Variants in KCNN2 observed in about 807,000 individuals in gnomAD.
The protein encoded by KCNN2 is small conductance calcium-activated potassium channel protein 2.
Under a neutral mutation model 55.5 loss-of-function variants are expected in KCNN2, and 24 were observed. That is an observed-to-expected ratio of 0.43 (90% CI 0.31 to 0.61). The LOEUF (loss-of-function observed/expected upper bound fraction) is 0.61. Ranked by LOEUF, KCNN2 falls within the 20% of genes least tolerant of loss-of-function variation. The probability of loss-of-function intolerance (pLI) is 0.08; values close to 1 mark genes in which losing one functional copy is unlikely to be tolerated. For missense variants in KCNN2, 754 were observed against 853.6 expected (o/e 0.88, Z 1.45); for synonymous variants, 431 against 336.1 (o/e 1.28, Z -3.09).
intron 1 of KCNN2, among the ~76,000 whole-genome samples, chr5:114,219,565 T>A (rs979643060): frequency 2.6e-5 from 4 of 152,124 alleles, no homozygotes; most frequent in African/African-American, 7.2e-5. Flanking sequence ...TTCTCTCCAA[T>A]GTCCAGCTGT....
Position 114,362,835 on chromosome 5 carries a change from C to G in KCNN2, c.696C>G (p.Ser232=), listed in dbSNP as rs1272628864. The G allele has an allele frequency of 1.9e-6, 3 of 1,599,582 alleles. No individual in the cohort carries two copies. The highest frequency in any genetic ancestry group is 2.5e-6 in the Non-Finnish European group (3 of 1,178,434). Residue 232 remains serine (S), a synonymous_variant, in exon 1 of 8, where the codon TCC becomes TCG. Transcript: ENST00000673685. The part of the protein sequence containing the change: ...VMRPLSNLSA[S]RRNLHEMDSE... ...GGCCGCTCAGCAACTTGAGCGCGTC[C>G]CGCCGGAACCTGCACGAGATGGACT...
In KCNN2 at chr5:114,362,400, C is replaced by T. The variant is rs942300757; in HGVS notation, c.261C>T (p.Ser87=). 2 of 264,282 alleles carry T rather than the reference C, an allele frequency of 7.6e-6. No individual in the cohort carries two copies. Among genetic ancestry groups the T allele is most frequent in the South Asian group, 8.4e-5 (1 of 11,850 alleles). The allele number at this position is 264,282 out of a possible 1,614,324, so 16.4% of individuals were successfully genotyped here. A position where few individuals can be genotyped will look rare whatever the true frequency, so the allele number is the denominator to read the frequency against. ...APAAGAGDNL[S]LLLRTSSPGG... ...CGGCGGGGGCGGGAGATAACCTGTC[C>T]CTGCTGCTCCGCACCTCCTCGCCCG... The change falls in exon 1 of 8, where the codon TCC becomes TCT. Residue 87 remains serine (S), a synonymous_variant. Transcript: ENST00000673685.
intron 1 of KCNN2, among the ~76,000 whole-genome samples, chr5:114,088,118 A>AT (rs1238662542): frequency 6.6e-6 from 1 of 151,850 alleles, no homozygotes; most frequent in Non-Finnish European, 1.5e-5. Flanking sequence ...TTTCACCTTC[A>AT]TTTTTGAAGG....
intron 2 of KCNN2, among the ~76,000 whole-genome samples, chr5:114,292,183 C>G (rs1435294177): frequency 2.0e-5 from 3 of 148,676 alleles, no homozygotes; most frequent in Admixed American, 6.6e-5. Flanking sequence ...TGTGCAGAAG[C>G]TCTTTAGTTT....
At chr5:114,257,134 AT>A (rs1754998503) in intron 2 of KCNN2, among the ~76,000 whole-genome samples, 1 of 151,912 alleles carries the variant, frequency 6.6e-6, no homozygotes, top group Non-Finnish European at 1.5e-5. Flanking sequence ...CCTAGTGTAT[AT>A]TTTTATCAAC....
At chr5:114,388,244 C>T (rs1219086809) in intron 2 of KCNN2, among the ~76,000 whole-genome samples, 1 of 152,070 alleles carries the variant, frequency 6.6e-6, no homozygotes, top group Non-Finnish European at 1.5e-5. Flanking sequence ...CTATCTTTCT[C>T]CTTTCTTTCC....
intron 1 of KCNN2, among the ~76,000 whole-genome samples, chr5:114,199,389 T>G (rs892949967): frequency 6.6e-6 from 1 of 152,100 alleles, no homozygotes; most frequent in Non-Finnish European, 1.5e-5. Context: ...CTGTATCTTT[T>G]AAGTGAAGCA....
intron 2 of KCNN2, among the ~76,000 whole-genome samples, chr5:114,272,324 A>G (rs1246666177): frequency 1.4e-5 from 2 of 147,822 alleles, no homozygotes; most frequent in Non-Finnish European, 1.5e-5. Flanking sequence ...ACATATATGT[A>G]TGTACATATA....
intron 2 of KCNN2, among the ~76,000 whole-genome samples, chr5:114,285,405 G>A (rs1755722510): frequency 6.6e-6 from 1 of 151,958 alleles, no homozygotes; most frequent in African/African-American, 2.4e-5. Context: ...GTGAGGGTGT[G>A]TGCAAGTGGT....
chr5:114,222,277 C>A (rs540622056), intron 2 of KCNN2, among the ~76,000 whole-genome samples: 1 of 152,240 alleles, frequency 6.6e-6, no homozygotes, highest in East Asian at 1.9e-4. Context: ...AGCTGTAAGA[C>A]CCTAGTAAAC....
intron 2 of KCNN2, among the ~76,000 whole-genome samples, chr5:114,297,902 T>C (rs12522842): frequency 0.44 from 66,292 of 151,950 alleles, 14,712 homozygotes; most frequent in Non-Finnish European, 0.46. Context: ...GGTCAGATTA[T>C]TTCCCCTGTG....
intron 1 of KCNN2, among the ~76,000 whole-genome samples, chr5:114,178,214 A>T (rs1010991900): frequency 9.9e-5 from 15 of 152,190 alleles, no homozygotes; most frequent in African/African-American, 3.6e-4. Flanking sequence ...GTGTATTCTG[A>T]CTTCTATAAA....
At chr5:114,162,594 C>T (rs899040882) in intron 1 of KCNN2, among the ~76,000 whole-genome samples, 2 of 152,168 alleles carry the variant, frequency 1.3e-5, no homozygotes, top group Non-Finnish European at 1.5e-5. Flanking sequence ...TGCCCTGCCG[C>T]CAGAGTTGGA....
At chr5:114,078,267 C>T (rs551634399) in intron 1 of KCNN2, among the ~76,000 whole-genome samples, 1 of 151,940 alleles carries the variant, frequency 6.6e-6, no homozygotes, top group East Asian at 2.0e-4. Flanking sequence ...AATTAGAATA[C>T]AGAACACATA....
intron 2 of KCNN2, among the ~76,000 whole-genome samples, chr5:114,259,278 C>T (rs1338693454): frequency 1.3e-5 from 2 of 152,214 alleles, no homozygotes; most frequent in East Asian, 3.9e-4. Flanking sequence ...AGAGCTGGAC[C>T]ACTCAGAACC....
At chr5:114,297,609 T>C (rs1392005573) in intron 2 of KCNN2, among the ~76,000 whole-genome samples, 3 of 152,160 alleles carry the variant, frequency 2.0e-5, no homozygotes, top group African/African-American at 4.8e-5. Context: ...CTTCTGAGAA[T>C]GTATCCCTCC....
chr5:114,408,251 A>G (rs1580800576), intron 3 of KCNN2, among the ~76,000 whole-genome samples: 1 of 131,474 alleles, frequency 7.6e-6, no homozygotes, highest in Non-Finnish European at 1.6e-5. Context: ...TGTTGTCCTT[A>G]TGGGTTTACA....
intron 3 of KCNN2, among the ~76,000 whole-genome samples, chr5:114,439,946 G>A (rs1760147306): frequency 6.6e-6 from 1 of 152,130 alleles, no homozygotes; most frequent in Non-Finnish European, 1.5e-5. Context: ...TAAATCCCTG[G>A]TGGGTAACAC....
At chr5:114,436,001 C>A (rs978985912) in intron 3 of KCNN2, among the ~76,000 whole-genome samples, 2 of 152,144 alleles carry the variant, frequency 1.3e-5, no homozygotes, top group African/African-American at 2.4e-5. Flanking sequence ...TTATCTCTGA[C>A]CACCTTGAAC....
Sources: gnomAD v4.1 joint callset for allele counts (sites outside exome capture counted in the v4.1 genomes callset) on GRCh38, gnomAD v4.1.1 for gene constraint, MANE v1.5 for transcripts, NCBI Gene and HGNC (gene_info 2026-07-23, HGNC 2026-07-21) for gene names.